Variants in MRPL40 observed in about 807,000 individuals in gnomAD.
The protein encoded by MRPL40 is mitochondrial ribosomal protein L40.
MRPL40 carries 18 observed loss-of-function variants against 24.5 expected under a neutral mutation model. The observed-to-expected ratio is 0.73, with a 90% CI of 0.51 to 1.09. MRPL40 has a LOEUF of 1.09. Among genes scored for constraint, MRPL40 ranks in the 50% least tolerant of loss-of-function variants. MRPL40 has a pLI of 0.00. For missense variants in MRPL40, 256 were observed against 243.8 expected (o/e 1.05, Z -0.33); for synonymous variants, 108 against 94.6 (o/e 1.14, Z -0.82).
Position 19,435,016 on chromosome 22 carries a change from C to T in MRPL40, c.296+122C>T. 2 of 802,676 alleles carry T rather than the reference C, an allele frequency of 2.5e-6. 1 individual carries two copies. The highest frequency in any genetic ancestry group is 3.6e-5 in the South Asian group (2 of 55,090). 49.7% of individuals were successfully genotyped at this position (802,676 alleles called of 1,614,324 possible). ...GTCAGTAGGCTTGAGCTGACTTGGC[C>T]CTAATGAGTCCTTGCTCCTTTTGGA... On this transcript the variant is annotated intron_variant, in intron 3 of 3. Transcript: ENST00000333130.
chr22:19,432,590 C>CCTGCG lies in MRPL40; in HGVS notation c.38_42dup (p.Pro15CysfsTer33), dbSNP rs1275297221. The CCTGCG allele has an allele frequency of 1.4e-5, 22 of 1,554,090 alleles. No homozygotes were observed. Among genetic ancestry groups the CCTGCG allele is most frequent in the Non-Finnish European group, 1.8e-5 (21 of 1,150,290 alleles). ...CCGTGCTGCGAAGTATCTCGCTAGC[C>CCTGCG]CTGCGCCCGACTAGCGGGTGAGTGC... On this transcript the variant is annotated frameshift_variant, in exon 1 of 4. Transcript: ENST00000333130. LOFTEE classifies it high-confidence loss of function.
rs1307902020 is a variant in MRPL40 at position 19,435,871 on chromosome 22, A to G, written c.530A>G (p.His177Arg). Residue 177 changes from histidine (H) to arginine (R), a missense_variant, in exon 4 of 4, where the codon CAT becomes CGT. Physicochemically the swap from His to Arg is conservative, Grantham distance 29. Coordinates refer to ENST00000333130, the MANE Select transcript of MRPL40 (RefSeq NM_003776.4). ...NLFPFEKEGP[H>R]YTPPIPNYQP... Reference sequence around the variant, plus strand: ...TTCCCCTTTGAGAAGGAAGGGCCACATTACACACCACCGATCCCTAACTAC... The same window carrying G: ...TTCCCCTTTGAGAAGGAAGGGCCACGTTACACACCACCGATCCCTAACTAC... 6.2e-7 allele frequency: 1 copy of G among 1,614,134 alleles called. No individual in the cohort carries two copies.
At chr22:19,432,944 A>G in intron 1 of MRPL40, 1 of 1,084,570 alleles carries the variant, frequency 9.2e-7, no homozygotes, top group Non-Finnish European at 1.2e-6. Context: ...TTATTTATTT[A>G]TTTGAGACAG....
chr22:19,434,215 ACTT>A (rs1340365945), intron 2 of MRPL40, among the ~76,000 whole-genome samples: 1 of 102,730 alleles, frequency 9.7e-6, no homozygotes, highest in Non-Finnish European at 1.9e-5. Context: ...TTGCTTTTGT[ACTT>A]TTTTTTTTTT....
Position 19,435,909 on chromosome 22 carries a change from G to A in MRPL40, c.568G>A (p.Gly190Ser), listed in dbSNP as rs868625127. 2.5e-6 allele frequency: 4 copies of A among 1,614,132 alleles called. No homozygotes were observed. Among genetic ancestry groups the A allele is most frequent in the Non-Finnish European group, 2.5e-6 (3 of 1,180,008 alleles). ...PPIPNYQPPE[G>S]RYNDITKVYT... ...GATCCCTAACTACCAACCCCCTGAA[G>A]GCAGGTACAATGACATCACCAAGGT... The change falls in exon 4 of 4, where the codon GGC becomes AGC. Residue 190 changes from glycine (G) to serine (S), a missense_variant. Gly to Ser is a moderately conservative substitution (Grantham distance 56). Transcript: ENST00000333130.
intron 2 of MRPL40, 73 bp downstream of exon 2, chr22:19,433,421 G>T: frequency 1.1e-6 from 1 of 909,286 alleles, no homozygotes; most frequent in Non-Finnish European, 1.8e-6. Flanking sequence ...AAGCAAGAAT[G>T]CTGGATGTGT....
rs558548254 is a variant in MRPL40 at position 19,432,687 on chromosome 22, G to A, written c.53+80G>A. The A allele has an allele frequency of 2.0e-6, 3 of 1,474,716 alleles. No homozygotes were observed. In the Admixed American group the frequency reaches 7.0e-5, roughly 34 times the overall value. 91.4% of individuals were successfully genotyped at this position (1,474,716 alleles called of 1,614,324 possible). A position where few individuals can be genotyped will look rare whatever the true frequency, so the allele number is the denominator to read the frequency against. On this transcript the variant is annotated intron_variant, in intron 1 of 3. Coordinates refer to ENST00000333130, the MANE Select transcript of MRPL40 (RefSeq NM_003776.4). Reference sequence around the variant, plus strand: ...CGCGACTGTCCGCCAGGACTCGCCTGTGCTCCCTGCTCGCCTCCCAGTCCA... The same window carrying A: ...CGCGACTGTCCGCCAGGACTCGCCTATGCTCCCTGCTCGCCTCCCAGTCCA...
intron 2 of MRPL40, among the ~76,000 whole-genome samples, chr22:19,433,737 C>T (rs1212770028): frequency 1.3e-5 from 2 of 151,998 alleles, no homozygotes; most frequent in Non-Finnish European, 2.9e-5. Context: ...ATACTTGATT[C>T]AGTCAATCTT....
At chr22:19,433,705 TGGC>T (rs2089567286) in intron 2 of MRPL40, among the ~76,000 whole-genome samples, 3 of 152,186 alleles carry the variant, frequency 2.0e-5, no homozygotes, top group Non-Finnish European at 4.4e-5. Context: ...TATTTCCATC[TGGC>T]ACTCTCGACT....
chr22:19,435,835 A>T lies in MRPL40; in HGVS notation c.494A>T (p.Asp165Val), dbSNP rs773139670. 9.9e-6 allele frequency: 16 copies of T among 1,614,084 alleles called. No individual in the cohort carries two copies. The Admixed American group carries it at 2.7e-4, about 27-fold the overall frequency. Residue 165 changes from aspartate to valine, a missense_variant, in exon 4 of 4, where the codon GAT becomes GTT. Asp to Val is a radical substitution (Grantham distance 152). Coordinates refer to ENST00000333130, the MANE Select transcript of MRPL40 (RefSeq NM_003776.4). ...CTCCATGCTGAGGCCATCAAGCGGG[A>T]TCCTAACCTGTTCCCCTTTGAGAAG... Reference protein sequence around the residue: ...PKLHAEAIKRDPNLFPFEKEG... With the variant: ...PKLHAEAIKRVPNLFPFEKEG...
In MRPL40 at chr22:19,434,728, T is replaced by C. The variant is rs1472112334; in HGVS notation, c.138-8T>C. 1.3e-6 allele frequency: 2 copies of C among 1,575,738 alleles called. No individual in the cohort carries two copies. The highest frequency in any genetic ancestry group is 1.7e-6 in the Non-Finnish European group (2 of 1,168,702). On this transcript the variant is annotated splice_region_variant and splice_polypyrimidine_tract_variant and intron_variant, in intron 2 of 3. Coordinates refer to ENST00000333130, the MANE Select transcript of MRPL40 (RefSeq NM_003776.4). Reference sequence around the variant, plus strand: ...AGGAAAATGTTTAATATTTGCTTTATCTATTAGATCAGAACCTCTTCGAAA... The same window carrying C: ...AGGAAAATGTTTAATATTTGCTTTACCTATTAGATCAGAACCTCTTCGAAA...
At position 19,435,769 on chromosome 22, in the gene MRPL40, A is replaced by T. The variant is rs374166038; in HGVS notation, c.428A>T (p.Gln143Leu). The change falls in exon 4 of 4, where the codon CAG (glutamine) becomes CTG (leucine). Residue 143 changes from glutamine to leucine, a missense_variant. Coordinates refer to ENST00000333130, the MANE Select transcript of MRPL40 (RefSeq NM_003776.4). ...RDTIRAMLEA[Q>L]QEALEELQLE... ...ACCATCAGGGCTATGCTAGAAGCCC[A>T]GCAGGAAGCTCTGGAGGAACTGCAA... is the stretch of plus-strand genomic sequence containing the variant. 65 of 1,614,104 alleles carry T rather than the reference A, an allele frequency of 4.0e-5. No homozygotes were observed. In the Middle Eastern group the frequency reaches 1.3e-3, roughly 33 times the overall value.
intron 1 of MRPL40, 37 bp from the exon 2 acceptor site, chr22:19,433,228 A>G (rs1171559046): frequency 6.9e-7 from 1 of 1,456,340 alleles, no homozygotes; most frequent in Non-Finnish European, 9.6e-7. Flanking sequence ...CCTAGCCTGG[A>G]GAAGCAGATA....
At position 19,434,867 on chromosome 22, in the gene MRPL40, C is replaced by A. The variant is rs1304636810; in HGVS notation, c.269C>A (p.Thr90Asn). 2 of 1,602,678 alleles carry A rather than the reference C, an allele frequency of 1.2e-6. No homozygotes were observed. The highest frequency in any genetic ancestry group is 2.3e-5 in the South Asian group (2 of 88,468). Residue 90 changes from threonine (T) to asparagine (N), a missense_variant, in exon 3 of 4, where the codon ACC becomes AAC. By Grantham distance (65) the Thr-to-Asn change is moderately conservative (BLOSUM62 0). Coordinates refer to ENST00000333130, the MANE Select transcript of MRPL40 (RefSeq NM_003776.4). ...QELIPIEDFI[T>N]PLKFLDKARE... ...CTAATTCCTATTGAAGATTTTATTA[C>A]CCCTCTAAAGTTCTTGGATAAAGCA...
rs780343702 is a variant in MRPL40, at chr22:19,435,903, C to G, written c.562C>G (p.Pro188Ala). 6.2e-7 allele frequency: 1 copy of G among 1,614,128 alleles called. No individual in the cohort carries two copies. Among genetic ancestry groups the G allele is most frequent in the Non-Finnish European group, 8.5e-7 (1 of 1,180,006 alleles). Residue 188 changes from proline to alanine, a missense_variant, in exon 4 of 4, where the codon CCT (proline) becomes GCT (alanine). Pro to Ala is a conservative substitution (Grantham distance 27). Coordinates refer to ENST00000333130, the MANE Select transcript of MRPL40 (RefSeq NM_003776.4). ...ACCACCGATCCCTAACTACCAACCC[C>G]CTGAAGGCAGGTACAATGACATCAC... ...YTPPIPNYQP[P>A]EGRYNDITKV...
intron 1 of MRPL40, 48 bp from the exon 2 acceptor site, chr22:19,433,217 G>A (rs761147795): frequency 5.9e-6 from 8 of 1,357,828 alleles, no homozygotes; most frequent in Admixed American, 3.4e-5. Flanking sequence ...GAGCAACCGC[G>A]CCTAGCCTGG....
At chr22:19,433,155 G>A in intron 1 of MRPL40, 110 bp from the exon 2 acceptor site, 1 of 674,664 alleles carries the variant, frequency 1.5e-6, no homozygotes, top group Non-Finnish European at 2.6e-6. Flanking sequence ...TTGAACTCCT[G>A]ACCTCGCGAT....
Position 19,435,689 on chromosome 22 carries a change from G to A in MRPL40, c.348G>A (p.Leu116=). 1 of 1,614,150 alleles carries A rather than the reference G, an allele frequency of 6.2e-7. No individual in the cohort carries two copies. Among genetic ancestry groups the A allele is most frequent in the Non-Finnish European group, 8.5e-7 (1 of 1,180,024 alleles). The change falls in exon 4 of 4, where the codon CTG becomes CTA. Residue 116 remains leucine (L), a synonymous_variant. Transcript: ENST00000333130. ...TTGAGGAGACTGAGAGGAGAGCTCT[G>A]CTTCTGAAGAAGTGGTCCTTGTACA... The part of the protein sequence containing the change: ...LTFEETERRA[L]LLKKWSLYKQ...
intron 1 of MRPL40, 124 bp from the exon 2 acceptor site, chr22:19,433,141 G>C (rs977297981): frequency 2.8e-5 from 17 of 602,958 alleles, no homozygotes; most frequent in Non-Finnish European, 4.5e-5. Context: ...TGGCCAGGCT[G>C]GTCTTGAACT....
Sources: gnomAD v4.1 joint callset for allele counts (sites outside exome capture counted in the v4.1 genomes callset) on GRCh38, gnomAD v4.1.1 for gene constraint, MANE v1.5 for transcripts, NCBI Gene and HGNC (gene_info 2026-07-23, HGNC 2026-07-21) for gene names.